ADGRL3: variants seen among roughly 807,000 people sequenced by gnomAD.
ADGRL3 encodes the protein adhesion G protein-coupled receptor L3.
In ADGRL3, 62 loss-of-function variants were observed where a neutral mutation model predicts 153.5. The ratio of observed to expected loss-of-function variants is 0.40; its 90% CI spans 0.33 to 0.50. The LOEUF (loss-of-function observed/expected upper bound fraction) is 0.50. Among genes scored for constraint, ADGRL3 ranks in the 20% least tolerant of loss-of-function variants. The pLI is 0.47. For missense variants in ADGRL3, 1,641 were observed against 1,859.4 expected, an observed-to-expected ratio of 0.88 and a Z score of 2.16; for synonymous variants, 710 against 672.5, an observed-to-expected ratio of 1.06 and a Z score of -0.86.
chr4:61,421,206 C>T (rs544652586), intron 2 of ADGRL3, among the ~76,000 whole-genome samples: 4 of 152,166 alleles, frequency 2.6e-5, no homozygotes, highest in East Asian at 1.9e-4. Context: ...TGGTGGCGGA[C>T]GCCTGTAGTC....
chr4:61,536,169 T>C lies in ADGRL3; in HGVS notation c.259+18651T>C, dbSNP rs573495612. Among the ~76,000 whole-genome samples, 13 of 152,252 alleles carry C rather than the reference T, an allele frequency of 8.5e-5. No homozygotes were observed. In the South Asian group the frequency reaches 1.2e-3, roughly 15 times the overall value. On this transcript the variant is annotated intron_variant, in intron 4 of 26. Transcript: ENST00000683033. ...AGTCATTCAGGAGTGAGTTGTTTAG[T>C]TTCCATGTACTTGTGTGGTTTTGAG...
rs994133014 is a variant in ADGRL3, at chr4:62,072,471, T to C, written c.*1563T>C. ...TTGTATTGATGTATGTACTATATGATTAATCAGTCTTTTTATTTTTCTCGC... is the reference window on the plus strand; with the variant it reads ...TTGTATTGATGTATGTACTATATGACTAATCAGTCTTTTTATTTTTCTCGC... On this transcript the variant is annotated 3_prime_UTR_variant, in exon 27 of 27. Coordinates refer to ENST00000683033, the MANE Select transcript of ADGRL3 (RefSeq NM_001387552.1). 6.6e-6 allele frequency: 1 copy of C among 152,604 alleles called. No homozygotes were observed. Among genetic ancestry groups the C allele is most frequent in the African/African-American group, 2.4e-5 (1 of 41,456 alleles). The allele number at this position is 152,604 out of a possible 1,614,324, so 9.5% of individuals were successfully genotyped here.
chr4:61,819,098 G>A (rs529593260), intron 9 of ADGRL3, among the ~76,000 whole-genome samples: 33 of 151,968 alleles, frequency 2.2e-4, no homozygotes, highest in African/African-American at 7.5e-4. Context: ...AAAATATACT[G>A]TACACTATTG....
intron 6 of ADGRL3, among the ~76,000 whole-genome samples, chr4:61,703,554 A>T (rs903400088): frequency 2.0e-5 from 3 of 152,130 alleles, no homozygotes; most frequent in Admixed American, 6.5e-5. Flanking sequence ...CCTAAGAATA[A>T]TTTTTTGATT....
chr4:61,717,389 G>C (rs2151578666), intron 6 of ADGRL3, among the ~76,000 whole-genome samples: 1 of 152,222 alleles, frequency 6.6e-6, no homozygotes, highest in East Asian at 1.9e-4. Flanking sequence ...AGTACCAACT[G>C]ATCTGTAATC....
At chr4:62,051,179 TATATATATATAC>T (rs1733990634) in intron 25 of ADGRL3, among the ~76,000 whole-genome samples, 2 of 146,768 alleles carry the variant, frequency 1.4e-5, no homozygotes, top group African/African-American at 5.1e-5. Context: ...TATATATATA[TATATATATATAC>T]ATACATACAC....
intron 5 of ADGRL3, among the ~76,000 whole-genome samples, chr4:61,618,791 A>C (rs886798209): frequency 6.6e-6 from 1 of 152,114 alleles, no homozygotes; most frequent in South Asian, 2.1e-4. Flanking sequence ...ATCATAGCTC[A>C]CTGGAACCTC....
chr4:61,495,306 T>C (rs1015492451), intron 2 of ADGRL3, among the ~76,000 whole-genome samples: 5 of 152,188 alleles, frequency 3.3e-5, no homozygotes, highest in African/African-American at 1.2e-4. Context: ...GAATGAAGTG[T>C]ATTAATACAT....
At chr4:61,371,579 A>G (rs993478346) in intron 1 of ADGRL3, among the ~76,000 whole-genome samples, 2 of 152,106 alleles carry the variant, frequency 1.3e-5, no homozygotes, top group Non-Finnish European at 2.9e-5. Flanking sequence ...TCTGGCTTGT[A>G]GGGTTTCTGC....
chr4:61,636,238 C>T (rs894418978), intron 5 of ADGRL3, among the ~76,000 whole-genome samples: 4 of 151,716 alleles, frequency 2.6e-5, no homozygotes, highest in Non-Finnish European at 5.9e-5. Flanking sequence ...AAAAAAATTA[C>T]AATACACAAA....
chr4:61,344,998 A>C (rs2095872293), intron 1 of ADGRL3, among the ~76,000 whole-genome samples: 1 of 150,092 alleles, frequency 6.7e-6, no homozygotes, highest in Admixed American at 6.7e-5. Flanking sequence ...GGGTTTCAGC[A>C]TGTTGGCCAG....
At chr4:61,947,917 A>G (rs2150314279) in intron 16 of ADGRL3, among the ~76,000 whole-genome samples, 183 bp from the exon 17 acceptor site, 1 of 152,346 alleles carries the variant, frequency 6.6e-6, no homozygotes, top group Middle Eastern at 3.4e-3. Context: ...GTCAAAGGGA[A>G]CAAACAATAG....
chr4:61,764,871 G>A (rs2096957440), intron 8 of ADGRL3, among the ~76,000 whole-genome samples: 1 of 151,478 alleles, frequency 6.6e-6, no homozygotes, highest in African/African-American at 2.4e-5. Context: ...GCTGAAGGGA[G>A]GTCTTGTGGT....
chr4:61,871,950 T>A (rs1175742252), intron 9 of ADGRL3, among the ~76,000 whole-genome samples: 1 of 152,200 alleles, frequency 6.6e-6, no homozygotes, highest in Non-Finnish European at 1.5e-5. Flanking sequence ...AATCTAAATG[T>A]CAAAAATTTC....
intron 9 of ADGRL3, among the ~76,000 whole-genome samples, chr4:61,849,791 A>G (rs1228874689): frequency 6.6e-6 from 1 of 152,152 alleles, no homozygotes; most frequent in Non-Finnish European, 1.5e-5. Context: ...GAGAAAATGC[A>G]ATCAACATAA....
At chr4:61,895,972 A>G (rs2098629014) in intron 11 of ADGRL3, 138 bp downstream of exon 11, 1 of 476,608 alleles carries the variant, frequency 2.1e-6, no homozygotes, top group African/African-American at 2.0e-5. Flanking sequence ...AACCTCTAAT[A>G]TGTTATGAGC....
intron 4 of ADGRL3, among the ~76,000 whole-genome samples, chr4:61,573,587 TATTAA>T (rs1252610248): frequency 2.0e-5 from 3 of 152,074 alleles, no homozygotes; most frequent in African/African-American, 7.2e-5. Flanking sequence ...ATTCATGTAA[TATTAA>T]ATTATTTTTT....
At chr4:61,300,284 G>C (rs1195686357) in intron 1 of ADGRL3, among the ~76,000 whole-genome samples, 2 of 152,126 alleles carry the variant, frequency 1.3e-5, no homozygotes, top group South Asian at 2.1e-4. Flanking sequence ...AACTCTACAT[G>C]ATCTAAATGC....
chr4:61,533,602 T>G (rs904227469), intron 4 of ADGRL3, among the ~76,000 whole-genome samples: 6 of 152,196 alleles, frequency 3.9e-5, no homozygotes, highest in Non-Finnish European at 7.4e-5. Context: ...TCTCTGACCT[T>G]AGCCTCTGTA....
Sources: gnomAD v4.1 joint callset for allele counts (sites outside exome capture counted in the v4.1 genomes callset) on GRCh38, gnomAD v4.1.1 for gene constraint, MANE v1.5 for transcripts, NCBI Gene and HGNC (gene_info 2026-07-23, HGNC 2026-07-21) for gene names.